Variants in DUSP8 observed in about 807,000 individuals in gnomAD.
The protein encoded by DUSP8 is dual specificity protein phosphatase 8.
A neutral mutation model predicts 38.7 loss-of-function variants in DUSP8; 15 were observed. That is an observed-to-expected ratio of 0.39 (90% CI 0.26 to 0.60). The LOEUF (loss-of-function observed/expected upper bound fraction) is 0.60. Ranked by LOEUF, DUSP8 falls within the 20% of genes least tolerant of loss-of-function variation. DUSP8 has a pLI of 0.56. For synonymous variants in DUSP8, 458 were observed against 433.9 expected, an observed-to-expected ratio of 1.06 and a Z score of -0.69; for missense variants, 768 against 915.0, an observed-to-expected ratio of 0.84 and a Z score of 2.07.
rs1178375777 is a variant in DUSP8, at chr11:1,557,256, G to A, written c.1140C>T (p.Ser380=). 1.3e-6 allele frequency: 2 copies of A among 1,493,984 alleles called. No homozygotes were observed. The highest frequency in any genetic ancestry group is 8.9e-7 in the Non-Finnish European group (1 of 1,124,988). 92.5% of individuals were successfully genotyped at this position (1,493,984 alleles called of 1,614,324 possible). A position where few individuals can be genotyped will look rare whatever the true frequency, so the allele number is the denominator to read the frequency against. Residue 380 remains serine (S), a synonymous_variant, in exon 7 of 7, where the codon TCC becomes TCT. Coordinates refer to ENST00000397374, the MANE Select transcript of DUSP8 (RefSeq NM_004420.3). The surrounding 1 kb of genome is among the most constrained non-coding windows in gnomAD (Gnocchi z 9.9). ...LQQGLRGLHL[S]SDRLQDTNRL... ...GGTTAGTGTCCTGCAGGCGGTCCGA[G>A]GAGAGGTGCAGGCCGCGCAGGCCCT... is the stretch of plus-strand genomic sequence containing the variant.
chr11:1,565,487 A>T, intron 2 of DUSP8, 109 bp downstream of exon 2: 1 of 846,198 alleles, frequency 1.2e-6, no homozygotes. Context: ...GACCCCAAGG[A>T]GTCGAGTTTG....
In DUSP8 at chr11:1,556,492, C is replaced by T. The variant is rs999819245; in HGVS notation, c.*26G>A. The T allele has an allele frequency of 8.1e-7, 1 of 1,232,880 alleles. No homozygotes were observed. The highest frequency in any genetic ancestry group is 1.0e-6 in the Non-Finnish European group (1 of 988,030). 76.4% of individuals were successfully genotyped at this position (1,232,880 alleles called of 1,614,324 possible). ...CATTTATAACGGGCCTGGCTGCGGG[C>T]GGCGGGGCCGAGGGCAGCGGAGGGG... On this transcript the variant is annotated 3_prime_UTR_variant, in exon 7 of 7. Transcript: ENST00000397374. This position sits in a 1 kb window ranked among gnomAD's most constrained non-coding sequence, Gnocchi z 5.2.
chr11:1,558,212 C>A lies in DUSP8; in HGVS notation c.597G>T (p.Lys199Asn). The A allele has an allele frequency of 6.7e-7, 1 of 1,483,744 alleles. No homozygotes were observed. 91.9% of individuals were successfully genotyped at this position (1,483,744 alleles called of 1,614,324 possible). The change falls in exon 5 of 7, where the codon AAG (lysine) becomes AAT (asparagine). Residue 199 changes from lysine to asparagine, a missense_variant. Around this residue, in one of 3 missense-constraint regions of DUSP8, gnomAD observed 252 missense variants for 410.4 expected, o/e 0.61. Coordinates refer to ENST00000397374, the MANE Select transcript of DUSP8 (RefSeq NM_004420.3). The surrounding 1 kb of genome is among the most constrained non-coding windows in gnomAD (Gnocchi z 6.3). ...YVLNASNSCP[K>N]PDFICESRFM... ...AGCGGCTCTCGCAGATGAAGTCAGGCTTGGGGCAGGAGTTGCTGGCGTTGA... is the reference window on the plus strand; with the variant it reads ...AGCGGCTCTCGCAGATGAAGTCAGGATTGGGGCAGGAGTTGCTGGCGTTGA...
At chr11:1,561,574 G>T (rs928620574) in intron 3 of DUSP8, among the ~76,000 whole-genome samples, 10 of 152,240 alleles carry the variant, frequency 6.6e-5, no homozygotes, top group Non-Finnish European at 8.8e-5. Context: ...CAGCTGGAGT[G>T]GGGGAAGAGG....
At chr11:1,571,623 C>T (rs1334344116) in intron 1 of DUSP8, 4 of 152,244 alleles carry the variant, frequency 2.6e-5, no homozygotes, top group African/African-American at 9.7e-5. Context: ...CCATTCCACA[C>T]CCAAAGAAGG....
rs1480408821 is a variant in DUSP8 at position 1,557,957 on chromosome 11, C to T, written c.698-40G>A. 3 of 1,612,984 alleles carry T rather than the reference C, an allele frequency of 1.9e-6. No individual in the cohort carries two copies. The highest frequency in any genetic ancestry group is 2.5e-6 in the Non-Finnish European group (3 of 1,179,660). ...CATGGGGGCCAGGTGAGGGCTAAGA[C>T]TGCACAGCTTCTCCCTGGCCCAGGT... On this transcript the variant is annotated intron_variant, in intron 5 of 6. Coordinates refer to ENST00000397374, the MANE Select transcript of DUSP8 (RefSeq NM_004420.3). The surrounding 1 kb of genome is among the most constrained non-coding windows in gnomAD (Gnocchi z 9.9).
In DUSP8 at chr11:1,556,602, C is replaced by T. The variant is rs755193792; in HGVS notation, c.1794G>A (p.Glu598=). The change falls in exon 7 of 7, where the codon GAG becomes GAA. Residue 598 remains glutamate, a synonymous_variant. Coordinates refer to ENST00000397374, the MANE Select transcript of DUSP8 (RefSeq NM_004420.3). This position sits in a 1 kb window ranked among gnomAD's most constrained non-coding sequence, Gnocchi z 5.2. ...CCAGCTCCTCGCCGCGCGCGCGCCC[C>T]TCCACCATGCCCTCCTCGAACTCCA... ...CQMEFEEGMV[E]GRARGEELAA... is the part of the protein sequence containing the mutation. 5 of 1,438,780 alleles carry T rather than the reference C, an allele frequency of 3.5e-6. No homozygotes were observed. 89.1% of individuals were successfully genotyped at this position (1,438,780 alleles called of 1,614,324 possible).
chr11:1,556,313 A>G lies in DUSP8; in HGVS notation c.*205T>C. ...TAGAAACGTATGTTTCAGTTTAAATACCAGACAGTAAAAATAGAGCTCGAG... is the reference window on the plus strand; with the variant it reads ...TAGAAACGTATGTTTCAGTTTAAATGCCAGACAGTAAAAATAGAGCTCGAG... On this transcript the variant is annotated 3_prime_UTR_variant, in exon 7 of 7. Coordinates refer to ENST00000397374, the MANE Select transcript of DUSP8 (RefSeq NM_004420.3). The surrounding 1 kb of genome is among the most constrained non-coding windows in gnomAD (Gnocchi z 5.2). 1.6e-6 allele frequency: 1 copy of G among 619,086 alleles called. No individual in the cohort carries two copies. The highest frequency in any genetic ancestry group is 2.3e-6 in the Non-Finnish European group (1 of 431,662). The allele number at this position is 619,086 out of a possible 1,614,324, so 38.3% of individuals were successfully genotyped here. A position where few individuals can be genotyped will look rare whatever the true frequency, so the allele number is the denominator to read the frequency against.
rs1848595787 is a variant in DUSP8, at chr11:1,554,738, C to T, written c.*1780G>A. The T allele has an allele frequency of 3.9e-6, 2 of 518,448 alleles. No individual in the cohort carries two copies. The highest frequency in any genetic ancestry group is 8.2e-5 in the South Asian group (1 of 12,268). 32.1% of individuals were successfully genotyped at this position (518,448 alleles called of 1,614,324 possible). Reference sequence around the variant, plus strand: ...GCGGGAAGCCAGTGCATCCTCCTCACCCAGGGTCTCCTCAGAAACCCAACG... The same window carrying T: ...GCGGGAAGCCAGTGCATCCTCCTCATCCAGGGTCTCCTCAGAAACCCAACG... On this transcript the variant is annotated 3_prime_UTR_variant, in exon 7 of 7. Transcript: ENST00000397374.
intron 3 of DUSP8, 105 bp downstream of exon 3, chr11:1,563,746 A>G: frequency 8.1e-7 from 1 of 1,231,022 alleles, no homozygotes; most frequent in Non-Finnish European, 1.1e-6. Context: ...AGATGTATGG[A>G]GATCCCCCCG....
chr11:1,557,582 G>A lies in DUSP8; in HGVS notation c.822-8C>T. 4 of 1,563,996 alleles carry A rather than the reference G, an allele frequency of 2.6e-6. No individual in the cohort carries two copies. The highest frequency in any genetic ancestry group is 3.4e-6 in the Non-Finnish European group (4 of 1,163,536). ...CGCCTGTCCTTCACGAACCTGCGGG[G>A]GAGGAGGCTCAGTCCCAGGCGCCCG... On this transcript the variant is annotated splice_polypyrimidine_tract_variant and splice_region_variant and intron_variant, in intron 6 of 6. Transcript: ENST00000397374. The surrounding 1 kb of genome is among the most constrained non-coding windows in gnomAD (Gnocchi z 9.9).
rs535280604 is a variant in DUSP8 at position 1,559,068 on chromosome 11, G to C, written c.371-13C>G. 1 of 1,607,024 alleles carries C rather than the reference G, an allele frequency of 6.2e-7. No homozygotes were observed. Among genetic ancestry groups the C allele is most frequent in the African/African-American group, 1.3e-5 (1 of 74,754 alleles). On this transcript the variant is annotated splice_polypyrimidine_tract_variant and intron_variant, in intron 3 of 6. Transcript: ENST00000397374. ...GTGGCGAAGCCCCCTGTAGGAGGAGGGCCGTCAAGTGGGTTGAGAGAACAC... is the reference window on the plus strand; with the variant it reads ...GTGGCGAAGCCCCCTGTAGGAGGAGCGCCGTCAAGTGGGTTGAGAGAACAC...
Position 1,557,460 on chromosome 11 carries a change from G to C in DUSP8, c.936C>G (p.Thr312=). 6.4e-7 allele frequency: 1 copy of C among 1,563,418 alleles called. No homozygotes were observed. The highest frequency in any genetic ancestry group is 8.6e-7 in the Non-Finnish European group (1 of 1,166,090). Residue 312 remains threonine, a synonymous_variant, in exon 7 of 7, where the codon ACC becomes ACG. Coordinates refer to ENST00000397374, the MANE Select transcript of DUSP8 (RefSeq NM_004420.3). This position sits in a 1 kb window ranked among gnomAD's most constrained non-coding sequence, Gnocchi z 9.9. ...GCGGAGGCTCCGGCGTCCCTGAGGG[G>C]GTGCCCGGGTCGCCCTGCAGGGCGG... ...LLAALQGDPG[T]PSGTPEPPPS...
rs896347714 is a variant in DUSP8, at chr11:1,557,077, G to A, written c.1319C>T (p.Pro440Leu). The A allele has an allele frequency of 1.3e-5, 17 of 1,263,282 alleles. No homozygotes were observed. The Admixed American group carries it at 3.5e-4, about 26-fold the overall frequency. The allele number at this position is 1,263,282 out of a possible 1,614,324, so 78.3% of individuals were successfully genotyped here. A position where few individuals can be genotyped will look rare whatever the true frequency, so the allele number is the denominator to read the frequency against. Residue 440 changes from proline to leucine, a missense_variant, in exon 7 of 7, where the codon CCG becomes CTG. Physicochemically the swap from Pro to Leu is moderately conservative, Grantham distance 98. Transcript: ENST00000397374. The surrounding 1 kb of genome is among the most constrained non-coding windows in gnomAD (Gnocchi z 9.9). The part of the protein sequence containing the change: ...GAALGLSSPS[P>L]DSPDAAPEAR... Reference sequence around the variant, plus strand: ...CTCAGGCGCGGCGTCCGGGCTGTCCGGGCTGGGCGAGGACAGGCCCAGCGC... The same window carrying A: ...CTCAGGCGCGGCGTCCGGGCTGTCCAGGCTGGGCGAGGACAGGCCCAGCGC...
Position 1,557,467 on chromosome 11 carries a change from G to C in DUSP8, c.929C>G (p.Pro310Arg), listed in dbSNP as rs766369836. ...CTCCGGCGTCCCTGAGGGGGTGCCC[G>C]GGTCGCCCTGCAGGGCGGCCAGCAG... ...LKLLAALQGDPGTPSGTPEPP... is the reference protein window; with the variant it reads ...LKLLAALQGDRGTPSGTPEPP... Residue 310 changes from proline to arginine, a missense_variant, in exon 7 of 7, where the codon CCG (proline) becomes CGG (arginine). By Grantham distance (103) the Pro-to-Arg change is moderately radical. This residue lies in a region of DUSP8 where 474 missense variants were observed against 430.8 expected (regional missense o/e 1.10). Transcript: ENST00000397374. This position sits in a 1 kb window ranked among gnomAD's most constrained non-coding sequence, Gnocchi z 9.9. 5.1e-6 allele frequency: 8 copies of C among 1,563,098 alleles called. No homozygotes were observed. Among genetic ancestry groups the C allele is most frequent in the Non-Finnish European group, 6.9e-6 (8 of 1,165,922 alleles).
chr11:1,570,537 C>G (rs1159667523), intron 1 of DUSP8, among the ~76,000 whole-genome samples: 1 of 152,212 alleles, frequency 6.6e-6, no homozygotes, highest in East Asian at 1.9e-4. Context: ...CAGAGACTGA[C>G]TCTAAGCGTC....
Position 1,558,364 on chromosome 11 carries a change from C to G in DUSP8, c.538-93G>C. 1 of 1,081,434 alleles carries G rather than the reference C, an allele frequency of 9.2e-7. No individual in the cohort carries two copies. 67.0% of individuals were successfully genotyped at this position (1,081,434 alleles called of 1,614,324 possible). A position where few individuals can be genotyped will look rare whatever the true frequency, so the allele number is the denominator to read the frequency against. Reference sequence around the variant, plus strand: ...TTTTCCTGCCCTGCCGTCAGGAGGGCCTTTAGAATCCTGGGAGCCTTGGAA... The same window carrying G: ...TTTTCCTGCCCTGCCGTCAGGAGGGGCTTTAGAATCCTGGGAGCCTTGGAA... On this transcript the variant is annotated intron_variant, in intron 4 of 6. Coordinates refer to ENST00000397374, the MANE Select transcript of DUSP8 (RefSeq NM_004420.3). This position sits in a 1 kb window ranked among gnomAD's most constrained non-coding sequence, Gnocchi z 6.3.
intron 1 of DUSP8, 190 bp downstream of exon 1, chr11:1,571,711 G>A (rs1848901206): frequency 1.3e-5 from 2 of 151,888 alleles, no homozygotes; most frequent in East Asian, 3.9e-4. Flanking sequence ...CGGGGGGCGG[G>A]GAAGGGGCCT....
At chr11:1,559,252 A>C (rs958659416) in intron 3 of DUSP8, 197 bp from the exon 4 acceptor site, 2 of 542,604 alleles carry the variant, frequency 3.7e-6, no homozygotes, top group Admixed American at 7.6e-5. Context: ...GGGTACTGCC[A>C]CACATTTACA....
Sources: allele counts gnomAD v4.1 joint callset (sites outside exome capture counted in the v4.1 genomes callset), GRCh38; gene constraint gnomAD v4.1.1; regional missense constraint gnomAD v4.1.1; non-coding constraint Gnocchi (gnomAD v3.1); transcripts MANE v1.5; gene names NCBI Gene and HGNC (gene_info 2026-07-23, HGNC 2026-07-21).